Variants in STK3 observed in about 807,000 individuals in gnomAD.
The protein encoded by STK3 is serine/threonine kinase 3.
Under a neutral mutation model 58.0 loss-of-function variants are expected in STK3, and 41 were observed. The observed-to-expected ratio is 0.71, with a 90% CI of 0.55 to 0.92. The LOEUF (loss-of-function observed/expected upper bound fraction) is 0.92, where lower values mean the gene tolerates loss of function less well. Ranked by LOEUF, STK3 falls within the 40% of genes least tolerant of loss-of-function variation. The pLI, the probability that STK3 is intolerant of heterozygous loss-of-function variation, is 0.00. For missense variants in STK3, 479 were observed against 602.7 expected, an observed-to-expected ratio of 0.79 and a Z score of 2.15; for synonymous variants, 170 against 191.0, an observed-to-expected ratio of 0.89 and a Z score of 0.91.
At chr8:98,707,593 G>T (rs986244380) in intron 4 of STK3, among the ~76,000 whole-genome samples, 3 of 151,894 alleles carry the variant, frequency 2.0e-5, no homozygotes, top group African/African-American at 7.3e-5. Context: ...TTGTAGAGAT[G>T]GGGATCTCGC....
At chr8:98,603,920 T>C (rs1025271446) in intron 6 of STK3, among the ~76,000 whole-genome samples, 5 of 152,144 alleles carry the variant, frequency 3.3e-5, no homozygotes, top group African/African-American at 9.7e-5. Context: ...AAAAAGGATT[T>C]TGAAGATAAG....
chr8:98,778,060 A>T (rs1012207719), intron 1 of STK3, among the ~76,000 whole-genome samples: 3 of 152,220 alleles, frequency 2.0e-5, no homozygotes, highest in Non-Finnish European at 2.9e-5. Context: ...GCTTCTGCAC[A>T]GCAAAAGAAA....
intron 4 of STK3, among the ~76,000 whole-genome samples, chr8:98,741,105 C>G (rs200900428): frequency 2.6e-4 from 40 of 152,176 alleles, no homozygotes; most frequent in South Asian, 1.0e-3. Context: ...CAAGTCCTGA[C>G]TGACCTACAT....
At chr8:98,721,009 A>G in intron 4 of STK3, 1 of 793,436 alleles carries the variant, frequency 1.3e-6, no homozygotes, top group Non-Finnish European at 1.5e-6. Context: ...AATTATTTTC[A>G]ATGGTATGCC....
intron 4 of STK3, among the ~76,000 whole-genome samples, chr8:98,730,390 CTCT>C (rs1250688864): frequency 1.3e-5 from 2 of 152,104 alleles, no homozygotes; most frequent in East Asian, 3.9e-4. Flanking sequence ...GTGAAAATGT[CTCT>C]TATATATCAA....
chr8:98,352,909 C>T, the STK3 span, among the ~76,000 whole-genome samples: 1 of 152,094 alleles, frequency 6.6e-6, no homozygotes. Context: ...GCTTAGTTAC[C>T]CTGAACACAT....
At chr8:98,504,040 T>C (rs1043294624) in intron 10 of STK3, among the ~76,000 whole-genome samples, 8 of 152,184 alleles carry the variant, frequency 5.3e-5, no homozygotes, top group African/African-American at 1.4e-4. Flanking sequence ...TGTAGGTCTC[T>C]AAGGACTTGC....
chr8:98,482,955 T>C (rs1307188005), intron 10 of STK3, among the ~76,000 whole-genome samples: 1 of 152,176 alleles, frequency 6.6e-6, no homozygotes, highest in Non-Finnish European at 1.5e-5. Flanking sequence ...AATGAAAGCA[T>C]ACGGATTTTA....
At position 98,629,863 on chromosome 8, in the gene STK3, C is replaced by T. The variant is rs377183157; in HGVS notation, c.685-33694G>A. On this transcript the variant is annotated intron_variant, in intron 6 of 10. Transcript: ENST00000419617. ...CAAACCACTCAATCTAAAACTACCT[C>T]CCATCCATCCCCAGTATTCAGCTCT... Among the ~76,000 whole-genome samples, 367 of 152,254 alleles carry T rather than the reference C, an allele frequency of 2.4e-3. 1 individual carries two copies. The highest frequency in any genetic ancestry group is 8.5e-3 in the African/African-American group (354 of 41,544).
chr8:98,888,386 G>A (rs1489615588), intron 1 of STK3, among the ~76,000 whole-genome samples: 1 of 152,124 alleles, frequency 6.6e-6, no homozygotes, highest in African/African-American at 2.4e-5. Flanking sequence ...TAGCACAGGG[G>A]CTGAGGAAGA....
At chr8:98,513,210 C>A (rs1180050244) in intron 10 of STK3, among the ~76,000 whole-genome samples, 1 of 152,124 alleles carries the variant, frequency 6.6e-6, no homozygotes, top group African/African-American at 2.4e-5. Flanking sequence ...CAGCCACCAA[C>A]CAAATGGGGC....
chr8:98,699,805 G>C (rs1012089434), intron 6 of STK3, among the ~76,000 whole-genome samples: 18 of 152,338 alleles, frequency 1.2e-4, no homozygotes, highest in Middle Eastern at 3.4e-3. Context: ...GCTGCTCCGG[G>C]GTCAGGGGTC....
intron 1 of STK3, among the ~76,000 whole-genome samples, chr8:98,825,198 T>C (rs1408104039): frequency 2.6e-5 from 4 of 152,208 alleles, no homozygotes; most frequent in Admixed American, 1.3e-4. Flanking sequence ...CCACAATGTT[T>C]TACAGACTGT....
intron 6 of STK3, among the ~76,000 whole-genome samples, chr8:98,651,065 T>C (rs1401995718): frequency 5.3e-5 from 8 of 152,290 alleles, no homozygotes; most frequent in East Asian, 3.9e-4. Context: ...CCCCTGGCCC[T>C]GGAGCCGCCT....
At chr8:98,590,054 G>A (rs968365902) in intron 7 of STK3, among the ~76,000 whole-genome samples, 2 of 152,194 alleles carry the variant, frequency 1.3e-5, no homozygotes, top group Non-Finnish European at 2.9e-5. Context: ...GAAATCACCT[G>A]TCTTCTGCGG....
chr8:98,903,951 G>GC lies in STK3; in HGVS notation c.-78-20118dup, dbSNP rs1183976793. On this transcript the variant is annotated intron_variant, in intron 1 of 1. Transcript: ENST00000519420. Reference sequence around the variant, plus strand: ...ACTTTTAAATATTAGGGAGTTTAGAGCCCCAGATATTCTATATGCAGACCA... The same window carrying GC: ...ACTTTTAAATATTAGGGAGTTTAGAGCCCCCAGATATTCTATATGCAGACCA... Among the ~76,000 whole-genome samples, 3 of 152,230 alleles carry GC rather than the reference G, an allele frequency of 2.0e-5. No homozygotes were observed. The East Asian group carries it at 5.8e-4, about 29-fold the overall frequency.
intron 4 of STK3, among the ~76,000 whole-genome samples, chr8:98,740,237 C>A (rs1038651670): frequency 6.6e-6 from 1 of 152,052 alleles, no homozygotes; most frequent in East Asian, 1.9e-4. Context: ...TCAGGAAATA[C>A]AGAGAACGCC....
intron 6 of STK3, among the ~76,000 whole-genome samples, chr8:98,618,263 AC>A (rs1342864805): frequency 2.7e-5 from 4 of 148,546 alleles, no homozygotes; most frequent in Middle Eastern, 3.4e-3. Context: ...AAATTCAACA[AC>A]CCTTCATGCT....
chr8:98,362,293 C>T, the STK3 span, among the ~76,000 whole-genome samples: 8 of 152,118 alleles, frequency 5.3e-5, no homozygotes, highest in Admixed American at 2.0e-4. Context: ...ACTGACAGCA[C>T]TTATTGATGG....
Sources: gnomAD v4.1 joint callset for allele counts (sites outside exome capture counted in the v4.1 genomes callset) on GRCh38, gnomAD v4.1.1 for gene constraint, MANE v1.5 for transcripts, NCBI Gene and HGNC (gene_info 2026-07-23, HGNC 2026-07-21) for gene names.